The following TRPM3 variants were observed in gnomAD, a reference collection of about 807,000 sequenced individuals.
TRPM3 encodes transient receptor potential cation channel subfamily M member 3.
A neutral mutation model predicts 181.2 loss-of-function variants in TRPM3; 77 were observed. The ratio of observed to expected loss-of-function variants is 0.42; its 90% CI spans 0.35 to 0.51. The LOEUF (loss-of-function observed/expected upper bound fraction) is 0.51, where lower values mean the gene tolerates loss of function less well. Ranked by LOEUF, TRPM3 falls within the 20% of genes least tolerant of loss-of-function variation. The probability of loss-of-function intolerance (pLI) is 0.01; values close to 1 mark genes in which losing one functional copy is unlikely to be tolerated. For synonymous variants in TRPM3, 745 were observed against 796.4 expected, an observed-to-expected ratio of 0.94 and a Z score of 1.09; for missense variants, 1,759 against 2,196.7, an observed-to-expected ratio of 0.80 and a Z score of 3.98.
chr9:70,968,360 C>T (rs1483017381), intron 1 of TRPM3, among the ~76,000 whole-genome samples: 1 of 152,154 alleles, frequency 6.6e-6, no homozygotes, highest in Admixed American at 6.5e-5. Flanking sequence ...TCTCCCGGAA[C>T]AGACTGCATC....
intron 6 of TRPM3, among the ~76,000 whole-genome samples, chr9:70,791,303 C>T (rs1027538773): frequency 6.6e-6 from 1 of 152,090 alleles, no homozygotes; most frequent in African/African-American, 2.4e-5. Flanking sequence ...ATAGGAAGTA[C>T]CACACAAGTT....
At chr9:71,194,479 C>T (rs1392146009) in intron 1 of TRPM3, among the ~76,000 whole-genome samples, 2 of 151,882 alleles carry the variant, frequency 1.3e-5, no homozygotes, top group East Asian at 3.9e-4. Context: ...TCCATGAAAG[C>T]TCCCACAGGT....
chr9:70,581,748 G>T (rs1045636730), intron 22 of TRPM3, among the ~76,000 whole-genome samples: 1 of 152,146 alleles, frequency 6.6e-6, no homozygotes, highest in Non-Finnish European at 1.5e-5. Flanking sequence ...GGCAACCACC[G>T]CCGGCATGGT....
intron 1 of TRPM3, among the ~76,000 whole-genome samples, chr9:71,155,944 A>G (rs1587689267): frequency 6.6e-6 from 1 of 152,152 alleles, no homozygotes; most frequent in African/African-American, 2.4e-5. Context: ...GGCCAGTTAC[A>G]AAGTTCTTGA....
intron 25 of TRPM3, 90 bp downstream of exon 25, chr9:70,549,452 C>G (rs952564924): frequency 7.0e-7 from 1 of 1,433,852 alleles, no homozygotes; most frequent in African/African-American, 1.4e-5. Flanking sequence ...CACAAAAGAT[C>G]TCTGTTTTGT....
intron 22 of TRPM3, among the ~76,000 whole-genome samples, chr9:70,577,957 T>C (rs1041184692): frequency 3.3e-5 from 5 of 152,186 alleles, no homozygotes; most frequent in African/African-American, 1.2e-4. Context: ...ATTCAGTTCA[T>C]AGTGACATTT....
At chr9:71,087,033 A>C (rs1489099963) in intron 1 of TRPM3, among the ~76,000 whole-genome samples, 1 of 151,910 alleles carries the variant, frequency 6.6e-6, no homozygotes, top group African/African-American at 2.4e-5. Context: ...ATTGACTCCA[A>C]AGTCTCTGAT....
intron 1 of TRPM3, among the ~76,000 whole-genome samples, chr9:71,220,075 T>A (rs959812455): frequency 2.6e-5 from 4 of 152,198 alleles, no homozygotes; most frequent in African/African-American, 7.2e-5. Flanking sequence ...TTGTTTATTG[T>A]ATCTATTTCT....
chr9:71,069,476 C>T (rs142106830), intron 1 of TRPM3, among the ~76,000 whole-genome samples: 109 of 148,600 alleles, frequency 7.3e-4, no homozygotes, highest in African/African-American at 2.7e-3. Flanking sequence ...CGTGCCTGGC[C>T]AAGAATGTGT....
At chr9:71,152,356 G>A (rs2075778968) in intron 1 of TRPM3, among the ~76,000 whole-genome samples, 2 of 152,082 alleles carry the variant, frequency 1.3e-5, no homozygotes, top group Non-Finnish European at 2.9e-5. Context: ...TTAAGGACTT[G>A]ACAAATGTCC....
At position 70,994,136 on chromosome 9, in the gene TRPM3, C is replaced by A. The variant is rs371967584; in HGVS notation, c.177+127042G>T. Among the ~76,000 whole-genome samples, 23 of 152,296 alleles carry A rather than the reference C, an allele frequency of 1.5e-4. No homozygotes were observed. In the East Asian group the frequency reaches 4.3e-3, roughly 28 times the overall value. ...AATGTAAATAAATAGTCATGGAGGT[C>A]TGAGTCCTGATTCCATTCTTTATTG... is the stretch of plus-strand genomic sequence containing the variant. On this transcript the variant is annotated intron_variant, in intron 1 of 25. Transcript: ENST00000677713.
intron 1 of TRPM3, among the ~76,000 whole-genome samples, chr9:70,914,180 A>T (rs888902031): frequency 3.9e-5 from 6 of 152,176 alleles, no homozygotes; most frequent in Admixed American, 1.3e-4. Context: ...CCCATATAAA[A>T]GAGGCTTCAC....
intron 1 of TRPM3, among the ~76,000 whole-genome samples, chr9:70,949,316 C>T (rs148979216): frequency 1.6e-3 from 240 of 152,134 alleles, no homozygotes; most frequent in African/African-American, 5.4e-3. Context: ...CTCAGCCTCC[C>T]AAATTGCTGA....
intron 1 of TRPM3, among the ~76,000 whole-genome samples, chr9:71,181,837 A>G (rs930957719): frequency 6.6e-6 from 1 of 152,096 alleles, no homozygotes; most frequent in Admixed American, 6.6e-5. Flanking sequence ...CCAAAGTAAT[A>G]CCACATGAAG....
At chr9:71,065,349 A>G (rs1019498128) in intron 1 of TRPM3, among the ~76,000 whole-genome samples, 1 of 152,152 alleles carries the variant, frequency 6.6e-6, no homozygotes, top group African/African-American at 2.4e-5. Context: ...GTTCTTTCTT[A>G]ATACTGAAAT....
intron 1 of TRPM3, among the ~76,000 whole-genome samples, chr9:71,189,518 G>A (rs2077881269): frequency 6.6e-6 from 1 of 151,766 alleles, no homozygotes; most frequent in African/African-American, 2.4e-5. Flanking sequence ...TTTGCATGCT[G>A]AAACTATCTC....
intron 1 of TRPM3, among the ~76,000 whole-genome samples, chr9:71,438,246 G>A (rs941950176): frequency 5.3e-5 from 8 of 152,212 alleles, no homozygotes; most frequent in Non-Finnish European, 1.2e-4. Flanking sequence ...AAATTATAAT[G>A]TGTCCACTAC....
chr9:71,004,649 T>C (rs1432622088), intron 1 of TRPM3, among the ~76,000 whole-genome samples: 1 of 152,134 alleles, frequency 6.6e-6, no homozygotes, highest in Non-Finnish European at 1.5e-5. Flanking sequence ...AATTTAAAGA[T>C]CTATGAAATA....
At chr9:71,207,239 C>T (rs935398758) in intron 1 of TRPM3, among the ~76,000 whole-genome samples, 6 of 151,884 alleles carry the variant, frequency 4.0e-5, no homozygotes, top group Admixed American at 3.3e-4. Flanking sequence ...AATTACAGAC[C>T]GCATTTCTGA....
Sources: gnomAD v4.1 joint callset for allele counts (sites outside exome capture counted in the v4.1 genomes callset) on GRCh38, gnomAD v4.1.1 for gene constraint, MANE v1.5 for transcripts, NCBI Gene and HGNC (gene_info 2026-07-23, HGNC 2026-07-21) for gene names.